CCDC91: variants seen among roughly 807,000 people sequenced by gnomAD.
CCDC91 encodes the protein coiled-coil domain containing 91.
Under a neutral mutation model 63.2 loss-of-function variants are expected in CCDC91, and 48 were observed. The observed-to-expected ratio is 0.76, with a 90% confidence interval of 0.60 to 0.97. CCDC91 has a LOEUF of 0.97. Ranked by LOEUF, CCDC91 falls within the 50% of genes least tolerant of loss-of-function variation. The pLI is 0.00. For synonymous variants in CCDC91, 167 were observed against 165.8 expected (o/e 1.01, Z -0.06); for missense variants, 500 against 494.6 (o/e 1.01, Z -0.10).
chr12:28,286,390 C>T (rs950937195), intron 3 of CCDC91, among the ~76,000 whole-genome samples: 3 of 152,050 alleles, frequency 2.0e-5, no homozygotes, highest in South Asian at 2.1e-4. Flanking sequence ...TGGTAGGCCC[C>T]AGTGTCTGTT....
chr12:28,356,970 C>A (rs566509917), intron 6 of CCDC91, among the ~76,000 whole-genome samples: 1 of 152,060 alleles, frequency 6.6e-6, no homozygotes, highest in East Asian at 1.9e-4. Context: ...TTTAGCCATC[C>A]GTGTAGCAGA....
chr12:28,381,213 T>C (rs1257700582), intron 7 of CCDC91, among the ~76,000 whole-genome samples: 1 of 152,122 alleles, frequency 6.6e-6, no homozygotes, highest in Non-Finnish European at 1.5e-5. Context: ...GAGAATAGCA[T>C]TTTAATATGT....
intron 11 of CCDC91, among the ~76,000 whole-genome samples, chr12:28,458,791 C>G (rs1950176755): frequency 6.6e-6 from 1 of 152,058 alleles, no homozygotes; most frequent in South Asian, 2.1e-4. Flanking sequence ...AACATATACA[C>G]TTACTTCAAA....
chr12:28,341,790 T>C (rs1182489656), intron 6 of CCDC91, among the ~76,000 whole-genome samples: 1 of 152,168 alleles, frequency 6.6e-6, no homozygotes, highest in Non-Finnish European at 1.5e-5. Context: ...GCGTGGCTAG[T>C]GGGTTTGCCA....
intron 1 of CCDC91, among the ~76,000 whole-genome samples, chr12:28,219,230 G>T (rs766397256): frequency 2.6e-5 from 4 of 151,932 alleles, no homozygotes; most frequent in Non-Finnish European, 5.9e-5. Context: ...GTGCTTAATT[G>T]AGATTATTAG....
chr12:28,453,181 C>T (rs1479359710), intron 11 of CCDC91, among the ~76,000 whole-genome samples: 1 of 151,938 alleles, frequency 6.6e-6, no homozygotes, highest in African/African-American at 2.4e-5. Flanking sequence ...GACCTACATG[C>T]AGAATAACTT....
chr12:28,393,214 C>T (rs1946057937), intron 8 of CCDC91, among the ~76,000 whole-genome samples: 1 of 152,030 alleles, frequency 6.6e-6, no homozygotes, highest in Admixed American at 6.6e-5. Context: ...AACCTGCTTC[C>T]TGTCTACAAA....
chr12:28,231,870 A>C lies in CCDC91; in HGVS notation c.-14-25332A>C, dbSNP rs184697224. On this transcript the variant is annotated intron_variant, in intron 1 of 12. Transcript: ENST00000536442. The stretch of plus-strand genomic sequence containing the variant: ...AAGTGAATCTGATTCAGGCACAGCT[A>C]TCTTCAATGGTGATTTTCCCAGCTG... Among the ~76,000 whole-genome samples, 7 of 152,300 alleles carry C rather than the reference A, an allele frequency of 4.6e-5. No homozygotes were observed. The East Asian group carries it at 1.4e-3, about 29-fold the overall frequency.
intron 7 of CCDC91, among the ~76,000 whole-genome samples, chr12:28,382,708 A>C (rs1945368294): frequency 6.6e-6 from 1 of 152,162 alleles, no homozygotes; most frequent in Non-Finnish European, 1.5e-5. Context: ...TATGTATTTA[A>C]ACAAATATTT....
At chr12:28,343,208 A>ATG (rs1476445806) in intron 6 of CCDC91, among the ~76,000 whole-genome samples, 1 of 151,162 alleles carries the variant, frequency 6.6e-6, no homozygotes, top group African/African-American at 2.4e-5. Flanking sequence ...ATATATATAT[A>ATG]TATATATATA....
At chr12:28,273,808 G>A (rs1487029113) in intron 3 of CCDC91, among the ~76,000 whole-genome samples, 3 of 151,994 alleles carry the variant, frequency 2.0e-5, no homozygotes, top group African/African-American at 4.8e-5. Flanking sequence ...CACTCTGATG[G>A]TAGTTTCTTT....
chr12:28,419,146 A>C (rs2139871125), intron 8 of CCDC91, among the ~76,000 whole-genome samples: 1 of 152,294 alleles, frequency 6.6e-6, no homozygotes, highest in East Asian at 1.9e-4. Context: ...AGTCTGTGCC[A>C]GTAAAAGCCT....
chr12:28,450,328 C>T lies in CCDC91; in HGVS notation c.856-22C>T, dbSNP rs370493922. The T allele has an allele frequency of 2.0e-5, 32 of 1,605,262 alleles. No individual in the cohort carries two copies. The African/African-American group carries it at 3.9e-4, about 19-fold the overall frequency. On this transcript the variant is annotated intron_variant, in intron 9 of 12. Coordinates refer to ENST00000536442, the MANE Select transcript of CCDC91 (RefSeq NM_018318.5). ...TCAAATAATACATTTAATGTCTTTCCAACTGTTTTATCATTTGACAGGAAA... is the reference window on the plus strand; with the variant it reads ...TCAAATAATACATTTAATGTCTTTCTAACTGTTTTATCATTTGACAGGAAA...
At chr12:28,466,594 C>T (rs1592752865) in intron 11 of CCDC91, among the ~76,000 whole-genome samples, 2 of 152,158 alleles carry the variant, frequency 1.3e-5, no homozygotes, top group East Asian at 1.9e-4. Context: ...TAAACTTTTA[C>T]CCTAGAATAG....
intron 3 of CCDC91, among the ~76,000 whole-genome samples, chr12:28,272,086 T>G (rs1249256604): frequency 5.3e-5 from 8 of 151,946 alleles, no homozygotes; most frequent in Non-Finnish European, 8.8e-5. Flanking sequence ...GTAATTGTTT[T>G]GGGAAGTTAG....
At chr12:28,219,027 A>G (rs577384860) in intron 1 of CCDC91, among the ~76,000 whole-genome samples, 6 of 152,298 alleles carry the variant, frequency 3.9e-5, no homozygotes, top group Admixed American at 3.9e-4. Context: ...ACAATTGCCA[A>G]ACTTTTCCAA....
Position 28,468,481 on chromosome 12 carries a change from C to G in CCDC91, c.1102-15571C>G, listed in dbSNP as rs180965392. Among the ~76,000 whole-genome samples, 11 of 151,908 alleles carry G rather than the reference C, an allele frequency of 7.2e-5. No homozygotes were observed. In the East Asian group the frequency reaches 1.4e-3, roughly 19 times the overall value. On this transcript the variant is annotated intron_variant, in intron 11 of 12. Transcript: ENST00000536442. The stretch of plus-strand genomic sequence containing the variant: ...TCTCAGTAAAGAAAAGCCTGGAAAC[C>G]TGATGGCTTCACTGCTGAATTTCAC...
chr12:28,293,062 AAAG>A (rs1204024852), intron 3 of CCDC91, among the ~76,000 whole-genome samples: 4 of 152,234 alleles, frequency 2.6e-5, no homozygotes, highest in African/African-American at 7.2e-5. Flanking sequence ...CAAAGAAAAG[AAAG>A]AAGATTTTAA....
In CCDC91 at chr12:28,385,337, A is replaced by T. The variant is rs1945536705; in HGVS notation, c.655-5967A>T. Among the ~76,000 whole-genome samples, 4 of 152,198 alleles carry T rather than the reference A, an allele frequency of 2.6e-5. No individual in the cohort carries two copies. The South Asian group carries it at 6.2e-4, about 24-fold the overall frequency. ...TTTCTGTATGAAGGGACAAATAATC[A>T]GGCTTGCCTAAATCATGATTAATTT... is the stretch of plus-strand genomic sequence containing the variant. On this transcript the variant is annotated intron_variant, in intron 7 of 12. Coordinates refer to ENST00000536442, the MANE Select transcript of CCDC91 (RefSeq NM_018318.5).
Sources: gnomAD v4.1 joint callset for allele counts (sites outside exome capture counted in the v4.1 genomes callset) on GRCh38, gnomAD v4.1.1 for gene constraint, MANE v1.5 for transcripts, NCBI Gene and HGNC (gene_info 2026-07-23, HGNC 2026-07-21) for gene names.